ANO2: variants seen among roughly 807,000 people sequenced by gnomAD.
ANO2 encodes the protein anoctamin-2.
A neutral mutation model predicts 124.2 loss-of-function variants in ANO2; 101 were observed. That is an observed-to-expected ratio of 0.81 (90% CI 0.69 to 0.96). The LOEUF (loss-of-function observed/expected upper bound fraction) is 0.96, where lower values mean the gene tolerates loss of function less well. Ranked by LOEUF, ANO2 falls within the 40% of genes least tolerant of loss-of-function variation. The probability of loss-of-function intolerance (pLI) is 0.00; values close to 1 mark genes in which losing one functional copy is unlikely to be tolerated. For synonymous variants in ANO2, 486 were observed against 482.5 expected, an observed-to-expected ratio of 1.01 and a Z score of -0.09; for missense variants, 1,293 against 1,274.5, an observed-to-expected ratio of 1.01 and a Z score of -0.22.
At chr12:5,837,448 G>A (rs1168143562) in intron 4 of ANO2, among the ~76,000 whole-genome samples, 3 of 149,492 alleles carry the variant, frequency 2.0e-5, no homozygotes, top group Non-Finnish European at 4.4e-5. Context: ...TCTAGCATTA[G>A]GTATATCTCC....
At chr12:5,577,365 C>A (rs1338171318) in intron 22 of ANO2, among the ~76,000 whole-genome samples, 12 of 152,202 alleles carry the variant, frequency 7.9e-5, no homozygotes, top group Admixed American at 7.8e-4. Context: ...TTCCTGGCCA[C>A]TGTCCTTAGA....
intron 13 of ANO2, among the ~76,000 whole-genome samples, chr12:5,733,694 AG>A (rs1235443796): frequency 6.6e-6 from 1 of 152,222 alleles, no homozygotes; most frequent in Non-Finnish European, 1.5e-5. Flanking sequence ...GTGACTAACA[AG>A]CATAACTAAA....
intron 10 of ANO2, among the ~76,000 whole-genome samples, chr12:5,774,396 G>A (rs1278852742): frequency 6.6e-6 from 1 of 152,116 alleles, no homozygotes; most frequent in African/African-American, 2.4e-5. Context: ...AGCCTGAGAT[G>A]GGGAGGTTGC....
At chr12:5,791,047 C>T (rs992360071) in intron 10 of ANO2, among the ~76,000 whole-genome samples, 1 of 152,170 alleles carries the variant, frequency 6.6e-6, no homozygotes, top group African/African-American at 2.4e-5. Flanking sequence ...TTCACTCTCA[C>T]TGGGAAGCAA....
chr12:5,722,635 A>T (rs1251635763), intron 14 of ANO2, among the ~76,000 whole-genome samples: 4 of 152,136 alleles, frequency 2.6e-5, no homozygotes, highest in Admixed American at 2.6e-4. Flanking sequence ...ATTCCATGTC[A>T]CTTCTGTGAG....
At chr12:5,887,884 G>A (rs1939057402) in intron 3 of ANO2, among the ~76,000 whole-genome samples, 1 of 149,916 alleles carries the variant, frequency 6.7e-6, no homozygotes, top group Non-Finnish European at 1.5e-5. Context: ...AGAGAGAGAA[G>A]AAACCTTTGG....
intron 3 of ANO2, among the ~76,000 whole-genome samples, chr12:5,916,953 C>G (rs1293366837): frequency 1.3e-5 from 2 of 152,170 alleles, no homozygotes; most frequent in African/African-American, 4.8e-5. Flanking sequence ...AGAGACAACG[C>G]TGCAAGACAG....
At chr12:5,689,300 G>A (rs1387431375) in intron 14 of ANO2, among the ~76,000 whole-genome samples, 1 of 151,950 alleles carries the variant, frequency 6.6e-6, no homozygotes, top group African/African-American at 2.4e-5. Context: ...CAGGAGATAC[G>A]AGGAGTTAGA....
intron 20 of ANO2, among the ~76,000 whole-genome samples, chr12:5,595,185 C>A (rs925678225): frequency 6.6e-6 from 1 of 151,936 alleles, no homozygotes; most frequent in Non-Finnish European, 1.5e-5. Context: ...TCAGACATAC[C>A]GAGTGTTTGA....
chr12:5,755,822 A>G (rs1166210208), intron 10 of ANO2, among the ~76,000 whole-genome samples: 2 of 152,022 alleles, frequency 1.3e-5, no homozygotes, highest in Non-Finnish European at 2.9e-5. Flanking sequence ...TTTTAAGGTG[A>G]CTCAGTGTTA....
chr12:5,631,093 T>C (rs1385980567), intron 16 of ANO2, among the ~76,000 whole-genome samples: 1 of 152,150 alleles, frequency 6.6e-6, no homozygotes, highest in Non-Finnish European at 1.5e-5. Flanking sequence ...ACAGATGACT[T>C]TATGTGATGC....
chr12:5,673,499 C>T (rs1367528046), intron 14 of ANO2, among the ~76,000 whole-genome samples: 3 of 152,172 alleles, frequency 2.0e-5, no homozygotes, highest in South Asian at 2.1e-4. Flanking sequence ...TCATAGATCA[C>T]GGAAAGGTAA....
chr12:5,903,383 G>C (rs1565765079), intron 3 of ANO2, among the ~76,000 whole-genome samples: 1 of 152,098 alleles, frequency 6.6e-6, no homozygotes, highest in African/African-American at 2.4e-5. Flanking sequence ...TTTGTTTCCT[G>C]GACAAATATT....
rs746132487 is a variant in ANO2, at chr12:5,615,311, G to A, written c.1817-14C>T. The A allele has an allele frequency of 6.9e-6, 11 of 1,600,278 alleles. No homozygotes were observed. The African/African-American group carries it at 1.5e-4, about 21-fold the overall frequency. On this transcript the variant is annotated splice_polypyrimidine_tract_variant and intron_variant, in intron 16 of 24. Coordinates refer to ENST00000682330, the MANE Select transcript of ANO2 (RefSeq NM_001364791.2). Reference sequence around the variant, plus strand: ...TTTTCGGAACCTCTGTAAGAGAAGAGCGAGGCTGATGAGATTGGGGTGAGA... The same window carrying A: ...TTTTCGGAACCTCTGTAAGAGAAGAACGAGGCTGATGAGATTGGGGTGAGA...
chr12:5,678,802 A>G (rs1039293935), intron 14 of ANO2, among the ~76,000 whole-genome samples: 19 of 152,256 alleles, frequency 1.2e-4, no homozygotes, highest in Non-Finnish European at 2.5e-4. Flanking sequence ...ATTTGCAGAT[A>G]TCACTAGGTT....
chr12:5,624,708 C>T (rs546851036), intron 16 of ANO2, among the ~76,000 whole-genome samples: 21 of 152,270 alleles, frequency 1.4e-4, no homozygotes, highest in African/African-American at 1.7e-4. Flanking sequence ...AATCAGCTCC[C>T]GCCGTGTGGA....
chr12:5,789,474 G>A (rs979036223), intron 10 of ANO2, among the ~76,000 whole-genome samples: 7 of 152,214 alleles, frequency 4.6e-5, no homozygotes, highest in Non-Finnish European at 8.8e-5. Flanking sequence ...CAGTAAGGAT[G>A]AGCCTACATC....
intron 14 of ANO2, among the ~76,000 whole-genome samples, chr12:5,701,102 T>TC (rs1555140264): frequency 6.8e-6 from 1 of 146,342 alleles, no homozygotes; most frequent in East Asian, 2.0e-4. Flanking sequence ...TTTTTTTTTT[T>TC]TTTTTTTTTG....
intron 3 of ANO2, among the ~76,000 whole-genome samples, chr12:5,898,891 T>C (rs1939981751): frequency 1.3e-5 from 2 of 152,224 alleles, no homozygotes; most frequent in South Asian, 2.1e-4. Flanking sequence ...ATATATGCTA[T>C]ACTTCCAAAA....
Sources: allele counts gnomAD v4.1 joint callset (sites outside exome capture counted in the v4.1 genomes callset), GRCh38; gene constraint gnomAD v4.1.1; transcripts MANE v1.5; gene names NCBI Gene and HGNC (gene_info 2026-07-23, HGNC 2026-07-21).